Variants in RPS6KA2 observed in about 807,000 individuals in gnomAD.
The protein encoded by RPS6KA2 is ribosomal protein S6 kinase A2, also known as ribosomal protein S6 kinase alpha-2.
A neutral mutation model predicts 91.8 loss-of-function variants in RPS6KA2; 42 were observed. The observed-to-expected ratio is 0.46, with a 90% CI of 0.36 to 0.59. The LOEUF is 0.59. Ranked by LOEUF, RPS6KA2 falls within the 20% of genes least tolerant of loss-of-function variation. The pLI, the probability that RPS6KA2 is intolerant of heterozygous loss-of-function variation, is 0.00. For missense variants in RPS6KA2, 798 were observed against 978.5 expected (o/e 0.82, Z 2.46); for synonymous variants, 414 against 393.6 (o/e 1.05, Z -0.61).
At chr6:166,862,068 T>C in intron 1 of RPS6KA2, 2 of 1,613,896 alleles carry the variant, frequency 1.2e-6, no homozygotes, top group Non-Finnish European at 1.7e-6. Flanking sequence ...GTTCGGATTC[T>C]TGAGGATGCT....
chr6:166,488,707 G>A, intron 10 of RPS6KA2, 126 bp downstream of exon 10: 1 of 674,986 alleles, frequency 1.5e-6, no homozygotes, highest in Non-Finnish European at 2.6e-6. Context: ...CTCTAGGTGA[G>A]GTCTGTTTTC....
intron 1 of RPS6KA2, among the ~76,000 whole-genome samples, chr6:166,551,788 G>C (rs1196231638): frequency 2.0e-5 from 3 of 152,202 alleles, no homozygotes; most frequent in African/African-American, 7.2e-5. Flanking sequence ...AGAATGGTGA[G>C]AGCAAGAAGG....
At chr6:166,754,700 C>A (rs1019157264) in intron 2 of RPS6KA2, among the ~76,000 whole-genome samples, 2 of 152,156 alleles carry the variant, frequency 1.3e-5, no homozygotes, top group African/African-American at 2.4e-5. Flanking sequence ...CAGCAAGCCT[C>A]CCCCTGCTCC....
At chr6:166,573,055 C>T (rs778002188) in intron 1 of RPS6KA2, among the ~76,000 whole-genome samples, 11 of 152,190 alleles carry the variant, frequency 7.2e-5, no homozygotes, top group African/African-American at 1.2e-4. Context: ...CTGGGGTTCC[C>T]GGGGTGCCCA....
chr6:166,597,772 A>G lies in RPS6KA2; in HGVS notation c.99+29149T>C, dbSNP rs78501718. Among the ~76,000 whole-genome samples, 792 of 152,230 alleles carry G rather than the reference A, an allele frequency of 5.2e-3. 6 individuals carry two copies. The highest frequency in any genetic ancestry group is 0.018 in the African/African-American group (745 of 41,538). The stretch of plus-strand genomic sequence containing the variant: ...AACATCAAGAGACAAGAAATATCCA[A>G]TGGGTGACGGCATCATCGAGAAGAG... On this transcript the variant is annotated intron_variant, in intron 1 of 20. Transcript: ENST00000265678.
At chr6:166,735,967 T>C (rs1411534904) in intron 2 of RPS6KA2, among the ~76,000 whole-genome samples, 1 of 152,250 alleles carries the variant, frequency 6.6e-6, no homozygotes, top group African/African-American at 2.4e-5. Context: ...AACTGAATAA[T>C]GTACTCATTG....
chr6:166,458,713 T>C (rs1198478017), intron 12 of RPS6KA2, among the ~76,000 whole-genome samples: 1 of 152,134 alleles, frequency 6.6e-6, no homozygotes, highest in African/African-American at 2.4e-5. Flanking sequence ...AGGCGAGAGC[T>C]CTCACCAGGA....
chr6:166,669,710 C>T (rs914639388), intron 2 of RPS6KA2, among the ~76,000 whole-genome samples: 2 of 152,178 alleles, frequency 1.3e-5, no homozygotes, highest in Admixed American at 1.3e-4. Context: ...TGACCCACCG[C>T]GTTTGCTCTT....
chr6:166,764,095 G>A (rs1778242501), intron 2 of RPS6KA2, among the ~76,000 whole-genome samples: 1 of 152,216 alleles, frequency 6.6e-6, no homozygotes, highest in African/African-American at 2.4e-5. Flanking sequence ...AGTGCCCTGT[G>A]CCTTGCATCG....
chr6:166,755,436 C>T (rs1777982921), intron 2 of RPS6KA2, among the ~76,000 whole-genome samples: 2 of 152,086 alleles, frequency 1.3e-5, no homozygotes. Context: ...GGGCTCGGAA[C>T]AGAAAGAGAT....
At chr6:166,640,220 G>GA (rs35850697) in intron 2 of RPS6KA2, among the ~76,000 whole-genome samples, 47,368 of 148,768 alleles carry the variant, frequency 0.32, 7,725 homozygotes, top group African/African-American at 0.42. Flanking sequence ...GCTTAAAAAG[G>GA]AAAAAAAAAA....
intron 2 of RPS6KA2, among the ~76,000 whole-genome samples, chr6:166,805,861 AG>A (rs1779481731): frequency 6.6e-6 from 1 of 152,212 alleles, no homozygotes; most frequent in Non-Finnish European, 1.5e-5. Context: ...GAAGAACTAA[AG>A]GAAGACATGG....
intron 1 of RPS6KA2, among the ~76,000 whole-genome samples, chr6:166,591,853 G>C (rs901398425): frequency 6.6e-6 from 1 of 152,170 alleles, no homozygotes; most frequent in Admixed American, 6.5e-5. Context: ...CTTCAAGCCT[G>C]TGTGTATTAC....
chr6:166,822,977 G>A (rs1361289735), intron 2 of RPS6KA2, among the ~76,000 whole-genome samples: 1 of 152,206 alleles, frequency 6.6e-6, no homozygotes, highest in Non-Finnish European at 1.5e-5. Context: ...GTGCTAGAAT[G>A]AGGGTATCAC....
intron 2 of RPS6KA2, among the ~76,000 whole-genome samples, chr6:166,632,254 G>A (rs1219263450): frequency 6.6e-6 from 1 of 152,178 alleles, no homozygotes; most frequent in Non-Finnish European, 1.5e-5. Context: ...GTGTTCATTA[G>A]CTTGATTGTG....
chr6:166,512,859 A>G (rs927286097), intron 3 of RPS6KA2, among the ~76,000 whole-genome samples: 2 of 152,006 alleles, frequency 1.3e-5, no homozygotes, highest in Non-Finnish European at 2.9e-5. Context: ...CACCTTTATT[A>G]TATGCTCAGA....
chr6:166,579,030 C>T (rs926366535), intron 1 of RPS6KA2, among the ~76,000 whole-genome samples: 1 of 152,144 alleles, frequency 6.6e-6, no homozygotes, highest in African/African-American at 2.4e-5. Flanking sequence ...AACAGTAAGT[C>T]TGATGTCGAG....
At chr6:166,610,834 C>T (rs1418290936) in intron 1 of RPS6KA2, among the ~76,000 whole-genome samples, 1 of 152,204 alleles carries the variant, frequency 6.6e-6, no homozygotes, top group African/African-American at 2.4e-5. Flanking sequence ...GTTTTTAAAA[C>T]TGGAAAGCCA....
chr6:166,423,299 AG>A lies in RPS6KA2; in HGVS notation c.1699del (p.Leu567CysfsTer3). 1 of 1,613,982 alleles carries A rather than the reference AG, an allele frequency of 6.2e-7. No homozygotes were observed. Among genetic ancestry groups the A allele is most frequent in the Non-Finnish European group, 8.5e-7 (1 of 1,179,914 alleles). On this transcript the variant is annotated frameshift_variant, in exon 17 of 21. Transcript: ENST00000265678. LOFTEE classifies it high-confidence loss of function. This position sits in a 1 kb window ranked among gnomAD's most constrained non-coding sequence, Gnocchi z 4.8. ...FAKQLRAGNG[L>X]LMTPCYTANF... is the part of the protein sequence containing the mutation. ...GGCCGTGTAGCAGGGTGTCATGAGC[AG>A]CCCGTTCCCCGCGCGCAGCTGCTTG...
Sources: gnomAD v4.1 joint callset for allele counts (sites outside exome capture counted in the v4.1 genomes callset) on GRCh38, gnomAD v4.1.1 for gene constraint, Gnocchi (gnomAD v3.1) non-coding constraint, MANE v1.5 for transcripts, NCBI Gene and HGNC (gene_info 2026-07-23, HGNC 2026-07-21) for gene names.